Variants in PRLR observed in about 807,000 individuals in gnomAD.
The protein encoded by PRLR is hPRL receptor.
In PRLR, 13 loss-of-function variants were observed where a neutral mutation model predicts 40.2. That is an observed-to-expected ratio of 0.32 (90% confidence interval 0.21 to 0.51). The LOEUF (loss-of-function observed/expected upper bound fraction) is 0.51. Ranked by LOEUF, PRLR falls within the 20% of genes least tolerant of loss-of-function variation. PRLR has a pLI of 0.97. For missense variants in PRLR, 656 were observed against 747.3 expected (o/e 0.88, Z 1.42); for synonymous variants, 269 against 278.7 (o/e 0.97, Z 0.35).
intron 1 of PRLR, among the ~76,000 whole-genome samples, chr5:35,127,604 T>C (rs905073130): frequency 6.6e-6 from 1 of 152,218 alleles, no homozygotes; most frequent in Non-Finnish European, 1.5e-5. Context: ...TACTAGTGTG[T>C]TGTCCATCAA....
At chr5:35,228,255 C>CAAAAAAAA (rs1561375681) in intron 1 of PRLR, among the ~76,000 whole-genome samples, 1 of 63,202 alleles carries the variant, frequency 1.6e-5, no homozygotes, top group Admixed American at 1.7e-4. Flanking sequence ...AAAAAAAAAG[C>CAAAAAAAA]AGCATTATTT....
rs534676007 is a variant in PRLR, at chr5:35,065,683, G to A, written c.1275C>T (p.Asn425=). 6.2e-7 allele frequency: 1 copy of A among 1,614,156 alleles called. No homozygotes were observed. The highest frequency in any genetic ancestry group is 1.3e-5 in the African/African-American group (1 of 75,030). The stretch of plus-strand genomic sequence containing the variant: ...TAATATTGTGGTAAGAGGATCTGGG[G>A]TTGTGCTGGCTGGGCTGTGGTAAGG... ...TWPLPQPSQH[N]PRSSYHNITD... is the part of the protein sequence containing the mutation. Residue 425 remains asparagine (N), a synonymous_variant, in exon 10 of 10, where the codon AAC becomes AAT. Coordinates refer to ENST00000618457, the MANE Select transcript of PRLR (RefSeq NM_000949.7).
intron 5 of PRLR, among the ~76,000 whole-genome samples, chr5:35,080,887 G>A (rs1253918370): frequency 2.0e-5 from 3 of 151,938 alleles, no homozygotes; most frequent in Non-Finnish European, 4.4e-5. Context: ...TCATGTCTTC[G>A]TAGGGACATG....
chr5:35,205,490 C>CG (rs75915490), intron 1 of PRLR, among the ~76,000 whole-genome samples: 15,934 of 152,152 alleles, frequency 0.1, 973 homozygotes, highest in Non-Finnish European at 0.13. Context: ...GTTCGGCTAT[C>CG]CTCTGCCAAA....
intron 1 of PRLR, among the ~76,000 whole-genome samples, chr5:35,186,793 T>C (rs953007575): frequency 6.6e-6 from 1 of 152,178 alleles, no homozygotes; most frequent in Non-Finnish European, 1.5e-5. Flanking sequence ...AAAAATCTAT[T>C]TGATTCACTG....
At chr5:35,180,624 T>C (rs1462365500) in intron 1 of PRLR, among the ~76,000 whole-genome samples, 1 of 152,090 alleles carries the variant, frequency 6.6e-6, no homozygotes, top group Non-Finnish European at 1.5e-5. Flanking sequence ...CTAGGGTACA[T>C]CTGCACAACG....
Position 35,049,167 on chromosome 5 carries a change from A to T in PRLR, c.*120T>A, listed in dbSNP as rs750736912. On this transcript the variant is annotated 3_prime_UTR_variant, in exon 9 of 9. Transcript: ENST00000231423. ...CTGGCTGGTCACGTGCTGCAGGAGT[A>T]ATCCAAGTCAGTGAGGCCAGTGGAC... 4.6e-5 allele frequency: 32 copies of T among 699,814 alleles called. No homozygotes were observed. The East Asian group carries it at 8.3e-4, about 18-fold the overall frequency. 43.4% of individuals were successfully genotyped at this position (699,814 alleles called of 1,614,324 possible). A position where few individuals can be genotyped will look rare whatever the true frequency, so the allele number is the denominator to read the frequency against.
chr5:35,099,466 T>A (rs1384907223), intron 2 of PRLR, among the ~76,000 whole-genome samples: 2 of 152,238 alleles, frequency 1.3e-5, no homozygotes, highest in Non-Finnish European at 2.9e-5. Context: ...TACTTGATAA[T>A]AACTATGTTA....
chr5:35,080,454 T>C (rs545152604), intron 5 of PRLR, among the ~76,000 whole-genome samples: 6 of 152,352 alleles, frequency 3.9e-5, no homozygotes, highest in Non-Finnish European at 7.3e-5. Context: ...TCATCGTCAC[T>C]GGCCATCAGA....
chr5:35,217,206 T>C (rs1776306452), intron 1 of PRLR, among the ~76,000 whole-genome samples: 1 of 152,134 alleles, frequency 6.6e-6, no homozygotes, highest in Non-Finnish European at 1.5e-5. Flanking sequence ...TGAAAGTGGG[T>C]GTACATGCCA....
At chr5:35,210,858 G>A (rs992638516) in intron 1 of PRLR, among the ~76,000 whole-genome samples, 8 of 152,034 alleles carry the variant, frequency 5.3e-5, no homozygotes, top group Non-Finnish European at 8.8e-5. Flanking sequence ...CAACAGGTGC[G>A]TGACACCATG....
At chr5:35,114,939 C>T (rs903578007) in intron 2 of PRLR, among the ~76,000 whole-genome samples, 1 of 152,324 alleles carries the variant, frequency 6.6e-6, no homozygotes, top group Non-Finnish European at 1.5e-5. Flanking sequence ...TCTATCCCTG[C>T]CCACAGAGCT....
At chr5:35,223,823 C>A (rs1776480064) in intron 1 of PRLR, among the ~76,000 whole-genome samples, 1 of 152,150 alleles carries the variant, frequency 6.6e-6, no homozygotes. Context: ...TTCTATTTTC[C>A]CCGTGGAGTC....
At chr5:35,128,802 T>G (rs1479497700) in intron 1 of PRLR, among the ~76,000 whole-genome samples, 1 of 152,208 alleles carries the variant, frequency 6.6e-6, no homozygotes. Flanking sequence ...CCTCACCTCC[T>G]CACTTTTTAA....
chr5:35,066,081 G>A lies in PRLR; in HGVS notation c.877C>T (p.Leu293=). ...LLEKGKSEEL[L]SALGCQDFPP... The stretch of plus-strand genomic sequence containing the variant: ...AAGTCTTGGCATCCCAAGGCACTCA[G>A]TAGTTCTTCAGACTTGCCCTTCTAT... The change falls in exon 10 of 10, where the codon CTG becomes TTG. Residue 293 remains leucine, a synonymous_variant. Transcript: ENST00000618457. The A allele has an allele frequency of 6.2e-7, 1 of 1,613,822 alleles. No homozygotes were observed. Among genetic ancestry groups the A allele is most frequent in the South Asian group, 1.1e-5 (1 of 91,064 alleles).
At chr5:35,080,595 G>C (rs1047703198) in intron 5 of PRLR, among the ~76,000 whole-genome samples, 5 of 152,150 alleles carry the variant, frequency 3.3e-5, no homozygotes, top group African/African-American at 1.2e-4. Flanking sequence ...CTGTTGGTGG[G>C]ACTGTAAACT....
rs774654785 is a variant in PRLR, at chr5:35,065,358, G to A, written c.1600C>T (p.Pro534Ser). 8 of 1,614,142 alleles carry A rather than the reference G, an allele frequency of 5.0e-6. No homozygotes were observed. Among genetic ancestry groups the A allele is most frequent in the Admixed American group, 3.3e-5 (2 of 60,026 alleles). Residue 534 changes from proline to serine, a missense_variant, in exon 10 of 10, where the codon CCC (proline) becomes TCC (serine). Transcript: ENST00000618457. ...LPKQRENSGKPKKPGTPENNK... is the reference protein window; with the variant it reads ...LPKQRENSGKSKKPGTPENNK... ...TTCTCAGGAGTCCCGGGCTTCTTGG[G>A]CTTGCCGCTGTTCTCTCTCTGTTTT...
chr5:35,159,469 T>C (rs1426066079), intron 1 of PRLR, among the ~76,000 whole-genome samples: 1 of 152,114 alleles, frequency 6.6e-6, no homozygotes, highest in Non-Finnish European at 1.5e-5. Context: ...CAGAGAGCCC[T>C]CCACTCTACT....
intron 2 of PRLR, among the ~76,000 whole-genome samples, chr5:35,112,524 G>C (rs1442394100): frequency 6.6e-6 from 1 of 152,098 alleles, no homozygotes; most frequent in Non-Finnish European, 1.5e-5. Context: ...GAAAGCAGGA[G>C]GATGTGGAAA....
Sources: gnomAD v4.1 joint callset for allele counts (sites outside exome capture counted in the v4.1 genomes callset) on GRCh38, gnomAD v4.1.1 for gene constraint, MANE v1.5 for transcripts, NCBI Gene and HGNC (gene_info 2026-07-23, HGNC 2026-07-21) for gene names.